The following ANKRD30A variants were observed in gnomAD, a reference collection of about 807,000 sequenced individuals.
ANKRD30A encodes the protein ankyrin repeat domain-containing protein 30A.
ANKRD30A carries 170 observed loss-of-function variants against 166.3 expected under a neutral mutation model. That is an observed-to-expected ratio of 1.02 (90% confidence interval 0.90 to 1.16). The LOEUF (loss-of-function observed/expected upper bound fraction) is 1.16. Among genes scored for constraint, ANKRD30A ranks in the 50% most tolerant of loss-of-function variants. The pLI is 0.00. For missense variants in ANKRD30A, 1,630 were observed against 1,518.0 expected (o/e 1.07, Z -1.23); for synonymous variants, 564 against 508.9 (o/e 1.11, Z -1.46).
At chr10:37,137,762 G>A (rs2132523112) in intron 6 of ANKRD30A, among the ~76,000 whole-genome samples, 1 of 152,306 alleles carries the variant, frequency 6.6e-6, no homozygotes, top group African/African-American at 2.4e-5. Context: ...GCAGCTCAAG[G>A]AGGCCTGCCT....
intron 6 of ANKRD30A, among the ~76,000 whole-genome samples, chr10:37,138,677 A>G (rs1354611440): frequency 2.0e-5 from 3 of 152,184 alleles, no homozygotes; most frequent in South Asian, 2.1e-4. Context: ...AGTTTAGAGG[A>G]AAAAGAATAA....
intron 25 of ANKRD30A, among the ~76,000 whole-genome samples, chr10:37,190,758 A>G (rs1256201112): frequency 6.6e-6 from 1 of 151,820 alleles, no homozygotes; most frequent in Non-Finnish European, 1.5e-5. Context: ...GAGGATTACT[A>G]GAATTGGACT....
Position 37,193,294 on chromosome 10 carries a change from A to G in ANKRD30A, c.2614+36A>G. On this transcript the variant is annotated intron_variant, in intron 27 of 35. Coordinates refer to ENST00000361713, the MANE Select transcript of ANKRD30A (RefSeq NM_052997.3). ...TAATTTTAATTTTACTCTGGAAAGA[A>G]GAATATTAAAATATTTGAAATGCTG... 3 of 1,583,696 alleles carry G rather than the reference A, an allele frequency of 1.9e-6. 1 individual carries two copies. The South Asian group carries it at 3.5e-5, about 18-fold the overall frequency.
chr10:37,136,901 G>A (rs1351950393), intron 6 of ANKRD30A, among the ~76,000 whole-genome samples: 5 of 149,958 alleles, frequency 3.3e-5, no homozygotes, highest in African/African-American at 1.2e-4. Flanking sequence ...TAAGAATTTA[G>A]TTGTAGGCAG....
chr10:37,232,697 T>TATATATATATAGAGAGAGAGAGAGAG (rs1273812991), downstream of ANKRD30A: 2 of 78,400 alleles, frequency 2.6e-5, no homozygotes, highest in African/African-American at 9.8e-5. Context: ...TATATATAAA[T>TATATATATATAGAGAGAGAGAGAGAG]AGAGAGAGAG....
At chr10:37,134,603 T>C (rs1363169039) in intron 5 of ANKRD30A, among the ~76,000 whole-genome samples, 2 of 152,202 alleles carry the variant, frequency 1.3e-5, no homozygotes. Flanking sequence ...TACAGTTTTT[T>C]AAAGTTCACA....
rs543768728 is a variant in ANKRD30A, at chr10:37,202,163, A to C, written c.2869+838A>C. Among the ~76,000 whole-genome samples the C allele has an allele frequency of 2.0e-5, 3 of 152,222 alleles. 1 individual carries two copies. Among genetic ancestry groups the C allele is most frequent in the African/African-American group, 7.2e-5 (3 of 41,550 alleles). ...AAGGGTCAGAAGAAAGCATTATGTT[A>C]CTTTTATTTTTGAGTATGTTTTTAG... On this transcript the variant is annotated intron_variant, in intron 31 of 35. Transcript: ENST00000361713.
chr10:37,194,076 A>G lies in ANKRD30A; in HGVS notation c.2614+818A>G, dbSNP rs1309568986. 5.3e-5 allele frequency among the ~76,000 whole-genome samples: 8 copies of G among 152,156 alleles called. No individual in the cohort carries two copies. In the East Asian group the frequency reaches 7.8e-4, roughly 15 times the overall value. On this transcript the variant is annotated intron_variant, in intron 27 of 35. Coordinates refer to ENST00000361713, the MANE Select transcript of ANKRD30A (RefSeq NM_052997.3). ...CCGGTTGTGGTGGTGGGTGCCTGTC[A>G]TCTCAGCTACTCTGGAGGCTGAGGC... is the stretch of plus-strand genomic sequence containing the variant.
chr10:37,254,883 C>T, the ANKRD30A span, among the ~76,000 whole-genome samples: 3 of 151,910 alleles, frequency 2.0e-5, no homozygotes, highest in Non-Finnish European at 4.4e-5. Context: ...GGGGCTTCAC[C>T]GTGTTAGCCA....
intron 25 of ANKRD30A, 95 bp from the exon 26 acceptor site, chr10:37,192,969 C>T (rs1840723906): frequency 1.4e-6 from 2 of 1,479,780 alleles, no homozygotes; most frequent in African/African-American, 2.8e-5. Flanking sequence ...GCAATCCAAG[C>T]ATGAGGATTC....
chr10:37,245,937 A>G, the ANKRD30A span, among the ~76,000 whole-genome samples: 6 of 152,298 alleles, frequency 3.9e-5, no homozygotes, highest in Admixed American at 3.3e-4. Flanking sequence ...TTTCCTCAAC[A>G]TGGCTGCTTG....
intron 13 of ANKRD30A, among the ~76,000 whole-genome samples, chr10:37,155,923 TA>T (rs1376026898): frequency 3.8e-4 from 58 of 151,924 alleles, no homozygotes; most frequent in African/African-American, 1.3e-3. Context: ...CTACTAAAAA[TA>T]CAAAAAATTA....
chr10:37,249,190 G>GGTTATATATT, the ANKRD30A span, among the ~76,000 whole-genome samples: 1 of 152,126 alleles, frequency 6.6e-6, no homozygotes, highest in Non-Finnish European at 1.5e-5. Flanking sequence ...CTTTCTTCTG[G>GGTTATATATT]GAAGGCTTCC....
At chr10:37,131,019 G>T (rs1303420759) in intron 3 of ANKRD30A, among the ~76,000 whole-genome samples, 2 of 151,844 alleles carry the variant, frequency 1.3e-5, no homozygotes. Context: ...TTAATAATGG[G>T]GTTGACTTCT....
intron 7 of ANKRD30A, among the ~76,000 whole-genome samples, chr10:37,143,250 AT>A (rs2132536824): frequency 6.6e-6 from 1 of 152,374 alleles, no homozygotes; most frequent in Non-Finnish European, 1.5e-5. Flanking sequence ...GCAGGGATTC[AT>A]TGGAAAATTT....
At chr10:37,164,078 A>C (rs1478052785) in intron 17 of ANKRD30A, among the ~76,000 whole-genome samples, 2 of 148,198 alleles carry the variant, frequency 1.3e-5, no homozygotes, top group Non-Finnish European at 3.0e-5. Flanking sequence ...CCTCTGCATG[A>C]ATTGTGAACA....
chr10:37,236,633 C>T (rs898904112), downstream of ANKRD30A, among the ~76,000 whole-genome samples: 1 of 152,168 alleles, frequency 6.6e-6, no homozygotes, highest in Admixed American at 6.5e-5. Flanking sequence ...TGAAGGCTCA[C>T]CAATTATTTG....
the ANKRD30A span, chr10:37,262,487 T>G: frequency 6.3e-6 from 1 of 158,198 alleles, no homozygotes; most frequent in Non-Finnish European, 1.4e-5. Context: ...CCACAGTATG[T>G]TCTTGTTACT....
intron 5 of ANKRD30A, among the ~76,000 whole-genome samples, chr10:37,134,494 C>T (rs553821126): frequency 6.6e-6 from 1 of 152,222 alleles, no homozygotes; most frequent in East Asian, 1.9e-4. Flanking sequence ...TGAAACTGCC[C>T]CTGCAGTCTA....
Sources: gnomAD v4.1 joint callset for allele counts (sites outside exome capture counted in the v4.1 genomes callset) on GRCh38, gnomAD v4.1.1 for gene constraint, MANE v1.5 for transcripts, NCBI Gene and HGNC (gene_info 2026-07-23, HGNC 2026-07-21) for gene names.